UBAP2: variants seen among roughly 807,000 people sequenced by gnomAD.
UBAP2 encodes the protein ubiquitin-associated protein 2.
In UBAP2, 75 loss-of-function variants were observed where a neutral mutation model predicts 139.6. The observed-to-expected ratio is 0.54, with a 90% confidence interval of 0.45 to 0.65. The LOEUF is 0.65. UBAP2 is among the 30% of genes least tolerant of loss of function. The probability of loss-of-function intolerance (pLI) is 0.00; values close to 1 mark genes in which losing one functional copy is unlikely to be tolerated. For missense variants in UBAP2, 1,368 were observed against 1,369.6 expected, an observed-to-expected ratio of 1.00 and a Z score of 0.02; for synonymous variants, 526 against 526.2, an observed-to-expected ratio of 1.00 and a Z score of 0.01.
At position 34,017,057 on chromosome 9, in the gene UBAP2, A is replaced by T. The variant is rs757645965; in HGVS notation, c.92T>A (p.Val31Glu). 18 of 1,596,472 alleles carry T rather than the reference A, an allele frequency of 1.1e-5. No individual in the cohort carries two copies. Among genetic ancestry groups the T allele is most frequent in the Non-Finnish European group, 1.4e-5 (17 of 1,175,296 alleles). Residue 31 changes from valine (V) to glutamate (E), a missense_variant, in exon 2 of 29, where the codon GTG (valine) becomes GAG (glutamate). Val to Glu is a moderately radical substitution (Grantham distance 121). Coordinates refer to ENST00000379238, the MANE Select transcript of UBAP2 (RefSeq NM_001370062.2). ...AGTTCCACAAAAACTTACCTGTACC[A>T]CTTGTTTCTGTGGTTGCGTTGATTG... Reference protein sequence around the residue: ...AAQSTQPQKQVVQATAEQMRL... With the variant: ...AAQSTQPQKQEVQATAEQMRL...
chr9:33,955,596 A>C (rs940806658), intron 11 of UBAP2, among the ~76,000 whole-genome samples: 1 of 152,078 alleles, frequency 6.6e-6, no homozygotes, highest in Non-Finnish European at 1.5e-5. Flanking sequence ...TCGGAGGCTG[A>C]GGTGGGCGGA....
At chr9:33,977,681 GAGAC>G (rs1820273273) in intron 6 of UBAP2, among the ~76,000 whole-genome samples, 1 of 151,166 alleles carries the variant, frequency 6.6e-6, no homozygotes, top group Non-Finnish European at 1.5e-5. Flanking sequence ...TTTATTTTTT[GAGAC>G]AGAGTTTTGC....
intron 2 of UBAP2, among the ~76,000 whole-genome samples, chr9:34,008,250 G>A (rs560055507): frequency 1.3e-4 from 19 of 150,652 alleles, no homozygotes; most frequent in African/African-American, 4.7e-4. Flanking sequence ...CCCAAGAGGC[G>A]AAGGTTGCGG....
At chr9:34,006,681 C>CA (rs796733793) in intron 2 of UBAP2, among the ~76,000 whole-genome samples, 1,411 of 139,788 alleles carry the variant, frequency 0.01, 15 homozygotes, top group African/African-American at 0.032. Flanking sequence ...GACCTTGTCT[C>CA]AAAAAAAAAA....
In UBAP2 at chr9:34,045,241, G is replaced by C. The variant is rs191513819; in HGVS notation, c.-42+3584C>G. On this transcript the variant is annotated intron_variant, in intron 1 of 28. Coordinates refer to ENST00000379238, the MANE Select transcript of UBAP2 (RefSeq NM_001370062.2). ...GGCGCCAGTAGTCCCAGGTACTCGGGAGGCTGAGGCAGGAAAATGGCATGA... is the reference window on the plus strand; with the variant it reads ...GGCGCCAGTAGTCCCAGGTACTCGGCAGGCTGAGGCAGGAAAATGGCATGA... 8.6e-4 allele frequency among the ~76,000 whole-genome samples: 130 copies of C among 151,762 alleles called. 3 individuals are homozygous for C. In the East Asian group the frequency reaches 0.022, roughly 26 times the overall value.
rs528126196 is a variant in UBAP2, at chr9:34,030,380, C to T, written c.-41-13191G>A. ...AGGAGAATGGCGTGAACCCGGAAGG[C>T]GGAGGTTGCAGTGAGCCGAGATCGC... is the stretch of plus-strand genomic sequence containing the variant. On this transcript the variant is annotated intron_variant, in intron 1 of 28. Coordinates refer to ENST00000379238, the MANE Select transcript of UBAP2 (RefSeq NM_001370062.2). Among the ~76,000 whole-genome samples, 4 of 152,004 alleles carry T rather than the reference C, an allele frequency of 2.6e-5. No individual in the cohort carries two copies. The South Asian group carries it at 8.3e-4, about 32-fold the overall frequency.
intron 13 of UBAP2, among the ~76,000 whole-genome samples, chr9:33,945,321 A>AC (rs1437162752): frequency 1.3e-5 from 2 of 152,034 alleles, no homozygotes; most frequent in East Asian, 3.9e-4. Flanking sequence ...ACATGGTGAA[A>AC]CCCCATCTCT....
At chr9:33,924,117 C>T in intron 23 of UBAP2, 89 bp downstream of exon 23, 1 of 1,581,146 alleles carries the variant, frequency 6.3e-7, no homozygotes, top group Non-Finnish European at 8.7e-7. Context: ...ACTAAGAGGC[C>T]TCTCTCAGCT....
chr9:33,953,547 C>A, intron 11 of UBAP2, 73 bp from the exon 12 acceptor site: 1 of 1,429,262 alleles, frequency 7.0e-7, no homozygotes, highest in Non-Finnish European at 9.6e-7. Flanking sequence ...AGAAGTCAAT[C>A]AATATATAGT....
At chr9:34,012,136 A>G (rs1823803794) in intron 2 of UBAP2, among the ~76,000 whole-genome samples, 1 of 152,242 alleles carries the variant, frequency 6.6e-6, no homozygotes, top group Non-Finnish European at 1.5e-5. Flanking sequence ...TAATCACTTC[A>G]TAATTGTGGA....
At chr9:33,968,239 A>T in intron 8 of UBAP2, 1 of 622,196 alleles carries the variant, frequency 1.6e-6, no homozygotes, top group South Asian at 1.4e-5. Flanking sequence ...CCTCCATTGT[A>T]AACAGGAAGC....
chr9:34,008,664 C>T (rs1030674882), intron 2 of UBAP2, among the ~76,000 whole-genome samples: 3 of 151,674 alleles, frequency 2.0e-5, no homozygotes, highest in Non-Finnish European at 1.5e-5. Flanking sequence ...AAAGGTTAGG[C>T]AATCCTTTAT....
At chr9:33,950,817 T>C (rs1271039647) in intron 12 of UBAP2, among the ~76,000 whole-genome samples, 2 of 152,206 alleles carry the variant, frequency 1.3e-5, no homozygotes, top group East Asian at 3.8e-4. Flanking sequence ...ATGTCCTAGG[T>C]AATACACAGC....
intron 2 of UBAP2, among the ~76,000 whole-genome samples, chr9:33,999,855 T>TATGC (rs1822537192): frequency 3.3e-5 from 1 of 30,196 alleles, no homozygotes; most frequent in Non-Finnish European, 6.8e-5. Flanking sequence ...GATTACTACG[T>TATGC]ATGTATGTAT....
At chr9:33,963,661 G>C (rs1033008574) in intron 9 of UBAP2, 65 bp downstream of exon 9, 14 of 956,074 alleles carry the variant, frequency 1.5e-5, no homozygotes, top group Non-Finnish European at 2.2e-5. Context: ...GATAAAAAAT[G>C]AAAGATATTG....
chr9:33,985,112 A>G (rs542800512), intron 6 of UBAP2, among the ~76,000 whole-genome samples: 46 of 152,332 alleles, frequency 3.0e-4, no homozygotes, highest in African/African-American at 1.0e-3. Context: ...CCATTAGCAG[A>G]TATTTATACA....
intron 1 of UBAP2, among the ~76,000 whole-genome samples, chr9:34,029,791 C>A (rs1825730973): frequency 6.7e-6 from 1 of 149,596 alleles, no homozygotes. Context: ...AGTTCGAGAT[C>A]AGCCTGGCCA....
At chr9:33,961,426 T>C (rs1223752584) in intron 9 of UBAP2, among the ~76,000 whole-genome samples, 1 of 152,206 alleles carries the variant, frequency 6.6e-6, no homozygotes, top group Non-Finnish European at 1.5e-5. Flanking sequence ...CTTGCTCATA[T>C]CAAGTCTGCT....
intron 2 of UBAP2, among the ~76,000 whole-genome samples, chr9:34,009,806 CTTT>C (rs201452836): frequency 6.2e-5 from 8 of 129,786 alleles, no homozygotes; most frequent in South Asian, 2.5e-4. Context: ...CTTATATTTC[CTTT>C]TTTTTTTTTT....
Sources: gnomAD v4.1 joint callset for allele counts (sites outside exome capture counted in the v4.1 genomes callset) on GRCh38, gnomAD v4.1.1 for gene constraint, MANE v1.5 for transcripts, NCBI Gene and HGNC (gene_info 2026-07-23, HGNC 2026-07-21) for gene names.